CADM2: variants seen among roughly 807,000 people sequenced by gnomAD.
The protein encoded by CADM2 is cell adhesion molecule 2.
A neutral mutation model predicts 49.8 loss-of-function variants in CADM2; 12 were observed. The ratio of observed to expected loss-of-function variants is 0.24; its 90% confidence interval spans 0.15 to 0.39. CADM2 has a LOEUF of 0.39. CADM2 is among the 10% of genes least tolerant of loss of function. The probability of loss-of-function intolerance (pLI) is 1.00; values close to 1 mark genes in which losing one functional copy is unlikely to be tolerated. For missense variants in CADM2, 378 were observed against 492.3 expected (o/e 0.77, Z 2.20); for synonymous variants, 214 against 175.4 (o/e 1.22, Z -1.74).
chr3:85,808,318 T>C (rs4444725), intron 3 of CADM2, among the ~76,000 whole-genome samples: 36,854 of 152,130 alleles, frequency 0.24, 5,244 homozygotes, highest in African/African-American at 0.38. Context: ...TCTTTTTACA[T>C]AAATCTTAGC....
intron 1 of CADM2, among the ~76,000 whole-genome samples, chr3:85,369,457 A>T (rs1028140008): frequency 3.9e-5 from 6 of 152,010 alleles, no homozygotes; most frequent in Non-Finnish European, 8.8e-5. Context: ...ACATGGCGAA[A>T]CCCCATCTCT....
intron 6 of CADM2, among the ~76,000 whole-genome samples, chr3:85,925,156 C>CTT (rs1553708169): frequency 3.3e-5 from 5 of 151,696 alleles, no homozygotes; most frequent in African/African-American, 1.2e-4. Flanking sequence ...TATAATCTAT[C>CTT]CTGGCAACTC....
chr3:85,094,069 A>T (rs932713895), intron 1 of CADM2, among the ~76,000 whole-genome samples: 5 of 152,126 alleles, frequency 3.3e-5, no homozygotes, highest in Non-Finnish European at 7.3e-5. Context: ...GGCAAATTTG[A>T]GGTCTGCCAA....
At chr3:85,809,790 C>CTTTCTT (rs542554365) in intron 3 of CADM2, among the ~76,000 whole-genome samples, 12,625 of 98,918 alleles carry the variant, frequency 0.13, 1,703 homozygotes, top group Non-Finnish European at 0.16. Context: ...CTCTCTCTCT[C>CTTTCTT]TCTTTCTTTC....
At position 85,181,104 on chromosome 3, in the gene CADM2, A is replaced by G. The variant is rs570334791; in HGVS notation, c.61+221436A>G. ...AGCTTAAATGAACTCAGTGATTTTGAAGAGAATAAATTGATTAATAATATA... is the reference window on the plus strand; with the variant it reads ...AGCTTAAATGAACTCAGTGATTTTGGAGAGAATAAATTGATTAATAATATA... On this transcript the variant is annotated intron_variant, in intron 1 of 9. Coordinates refer to ENST00000383699, the MANE Select transcript of CADM2 (RefSeq NM_001167675.2). Among the ~76,000 whole-genome samples, 7 of 152,286 alleles carry G rather than the reference A, an allele frequency of 4.6e-5. No individual in the cohort carries two copies. The East Asian group carries it at 9.6e-4, about 21-fold the overall frequency.
intron 1 of CADM2, among the ~76,000 whole-genome samples, chr3:85,302,132 A>C (rs890945309): frequency 3.9e-5 from 6 of 152,062 alleles, no homozygotes; most frequent in African/African-American, 1.4e-4. Flanking sequence ...AATGAATGGA[A>C]TATTTTGCCT....
chr3:86,065,311 G>A (rs1739178251), intron 8 of CADM2, among the ~76,000 whole-genome samples: 1 of 152,178 alleles, frequency 6.6e-6, no homozygotes, highest in Non-Finnish European at 1.5e-5. Context: ...TTTTCAGATG[G>A]AGGTGAGGAG....
chr3:85,617,090 G>A (rs1271748596), intron 1 of CADM2, among the ~76,000 whole-genome samples: 2 of 152,006 alleles, frequency 1.3e-5, no homozygotes, highest in East Asian at 3.9e-4. Context: ...CAGTTCTTCC[G>A]TGGACGCCAG....
chr3:86,036,267 T>G (rs950754832), intron 8 of CADM2, among the ~76,000 whole-genome samples: 5 of 152,158 alleles, frequency 3.3e-5, no homozygotes, highest in Non-Finnish European at 5.9e-5. Flanking sequence ...TTACTTCTCA[T>G]CCTAGGTTCT....
At chr3:86,056,115 CCT>C (rs1317410035) in intron 8 of CADM2, among the ~76,000 whole-genome samples, 1 of 152,158 alleles carries the variant, frequency 6.6e-6, no homozygotes, top group Non-Finnish European at 1.5e-5. Flanking sequence ...TCACCTTCCT[CCT>C]GTTATCACAC....
At chr3:85,664,900 A>T (rs1402768386) in intron 1 of CADM2, among the ~76,000 whole-genome samples, 1 of 151,924 alleles carries the variant, frequency 6.6e-6, no homozygotes, top group Non-Finnish European at 1.5e-5. Flanking sequence ...TTCCCATTGC[A>T]TTCATCACTA....
intron 1 of CADM2, among the ~76,000 whole-genome samples, chr3:85,046,642 G>T (rs955756845): frequency 2.0e-5 from 3 of 151,762 alleles, no homozygotes; most frequent in Non-Finnish European, 2.9e-5. Flanking sequence ...CTCATGTTAT[G>T]TGACAATTAA....
chr3:85,061,670 A>C (rs920454698), intron 1 of CADM2, among the ~76,000 whole-genome samples: 10 of 152,096 alleles, frequency 6.6e-5, no homozygotes, highest in African/African-American at 2.2e-4. Flanking sequence ...TCCTTTTTTC[A>C]TGCAATCTAA....
rs545138458 is a variant in CADM2, at chr3:85,980,230, T to C, written c.970+18583T>C. Among the ~76,000 whole-genome samples, 179 of 151,668 alleles carry C rather than the reference T, an allele frequency of 1.2e-3. 1 individual carries two copies. The highest frequency in any genetic ancestry group is 4.2e-3 in the African/African-American group (174 of 41,502). On this transcript the variant is annotated intron_variant, in intron 8 of 9. Coordinates refer to ENST00000383699, the MANE Select transcript of CADM2 (RefSeq NM_001167675.2). ...AATTTAACTTGAAATTAATGAGGAC[T>C]TTATATTATTATATTTAATTCAGTT...
chr3:85,359,488 A>G (rs561848913), intron 1 of CADM2, among the ~76,000 whole-genome samples: 1 of 150,874 alleles, frequency 6.6e-6, no homozygotes, highest in African/African-American at 2.4e-5. Flanking sequence ...CTCTTTGACC[A>G]AGTTGTGTGT....
intron 1 of CADM2, among the ~76,000 whole-genome samples, chr3:85,434,945 A>G (rs1237192731): frequency 6.6e-6 from 1 of 152,062 alleles, no homozygotes; most frequent in African/African-American, 2.4e-5. Flanking sequence ...CTAGTATATA[A>G]TGATTGTTGC....
chr3:85,023,199 A>C (rs2034583597), intron 1 of CADM2, among the ~76,000 whole-genome samples: 1 of 152,048 alleles, frequency 6.6e-6, no homozygotes, highest in African/African-American at 2.4e-5. Context: ...ACTTATACTT[A>C]GTTTTTGTTA....
At chr3:85,945,900 T>C (rs1010360798) in intron 7 of CADM2, among the ~76,000 whole-genome samples, 72 of 152,166 alleles carry the variant, frequency 4.7e-4, no homozygotes, top group Middle Eastern at 6.8e-3. Context: ...ACCACTCCTA[T>C]TCAACATAGT....
At chr3:85,784,530 T>TATCTATC (rs1266563614) in intron 2 of CADM2, among the ~76,000 whole-genome samples, 22 of 142,324 alleles carry the variant, frequency 1.5e-4, no homozygotes, top group African/African-American at 5.4e-4. Flanking sequence ...CTAAATATAT[T>TATCTATC]TATCTATCTA....
Sources: gnomAD v4.1 joint callset for allele counts (sites outside exome capture counted in the v4.1 genomes callset) on GRCh38, gnomAD v4.1.1 for gene constraint, MANE v1.5 for transcripts, NCBI Gene and HGNC (gene_info 2026-07-23, HGNC 2026-07-21) for gene names.